The following HELZ variants were observed in gnomAD, a reference collection of about 807,000 sequenced individuals.
The protein encoded by HELZ is helicase with zinc finger.
In HELZ, 23 loss-of-function variants were observed where a neutral mutation model predicts 218.2. That is an observed-to-expected ratio of 0.11 (90% confidence interval 0.08 to 0.15). HELZ has a LOEUF of 0.15. Among genes scored for constraint, HELZ ranks in the 10% least tolerant of loss-of-function variants. HELZ has a pLI of 1.00. For synonymous variants in HELZ, 814 were observed against 829.4 expected, an observed-to-expected ratio of 0.98 and a Z score of 0.32; for missense variants, 1,813 against 2,353.7, an observed-to-expected ratio of 0.77 and a Z score of 4.75.
chr17:67,206,621 G>A (rs1013789333), intron 5 of HELZ, among the ~76,000 whole-genome samples: 91 of 145,316 alleles, frequency 6.3e-4, no homozygotes, highest in Admixed American at 2.1e-3. Context: ...TTTTTAAGAC[G>A]GAGTTTCACT....
rs2144283527 is a variant in HELZ at position 67,188,749 on chromosome 17, G to A, written c.865-133C>T. 3.1e-6 allele frequency: 2 copies of A among 655,174 alleles called. No homozygotes were observed. The highest frequency in any genetic ancestry group is 5.0e-6 in the Non-Finnish European group (2 of 397,326). The allele number at this position is 655,174 out of a possible 1,614,324, so 40.6% of individuals were successfully genotyped here. A position where few individuals can be genotyped will look rare whatever the true frequency, so the allele number is the denominator to read the frequency against. ...CTTCTAAGATACTATAGCCATTTAA[G>A]AAAAAAATCAGAATGGTTTTTTAAA... On this transcript the variant is annotated intron_variant, in intron 11 of 32. Coordinates refer to ENST00000358691, the MANE Select transcript of HELZ (RefSeq NM_014877.4). This position sits in a 1 kb window ranked among gnomAD's most constrained non-coding sequence, Gnocchi z 4.1.
chr17:67,086,631 A>AAT (rs71139116), intron 32 of HELZ, among the ~76,000 whole-genome samples, 198 bp downstream of exon 32: 5,597 of 93,012 alleles, frequency 0.06, 231 homozygotes, highest in Middle Eastern at 0.072. Flanking sequence ...TATAAATATA[A>AAT]ATATATATAT....
chr17:67,223,607 C>T (rs1458134238), intron 3 of HELZ, among the ~76,000 whole-genome samples: 1 of 151,990 alleles, frequency 6.6e-6, no homozygotes, highest in Non-Finnish European at 1.5e-5. Context: ...AAAAAATTAG[C>T]CGGATGTGGT....
At chr17:67,144,756 T>C (rs945173509) in intron 21 of HELZ, among the ~76,000 whole-genome samples, 1 of 152,064 alleles carries the variant, frequency 6.6e-6, no homozygotes, top group Non-Finnish European at 1.5e-5. Flanking sequence ...ACCCATACCA[T>C]GGCTAATTTC....
At chr17:67,215,736 T>C in intron 5 of HELZ, 163 bp downstream of exon 5, 2 of 656,292 alleles carry the variant, frequency 3.0e-6, no homozygotes, top group South Asian at 1.7e-5. Context: ...TGTTCACAGG[T>C]ATGCCCAGCT....
chr17:67,086,745 G>A (rs1598184840), intron 32 of HELZ, 84 bp downstream of exon 32: 3 of 1,415,128 alleles, frequency 2.1e-6, no homozygotes, highest in East Asian at 2.3e-5. Flanking sequence ...TGCAAATTGG[G>A]GGCAGGTGGT....
chr17:67,083,059 G>A (rs1276226652), intron 32 of HELZ, among the ~76,000 whole-genome samples: 1 of 151,814 alleles, frequency 6.6e-6, no homozygotes, highest in Non-Finnish European at 1.5e-5. Context: ...GTTTCACCAT[G>A]TTGGCCAAGC....
rs1368276406 is a variant in HELZ, at chr17:67,074,185, T to C, written c.*4067A>G. ...TAAGGATTTTCATATGTTAAGGGGA[T>C]GGTGAGCAAGAAATAATGTACGGTA... is the stretch of plus-strand genomic sequence containing the variant. On this transcript the variant is annotated 3_prime_UTR_variant, in exon 33 of 33. Coordinates refer to ENST00000358691, the MANE Select transcript of HELZ (RefSeq NM_014877.4). The C allele has an allele frequency of 6.6e-6, 1 of 151,440 alleles. No individual in the cohort carries two copies. The highest frequency in any genetic ancestry group is 1.5e-5 in the Non-Finnish European group (1 of 67,904). The allele number at this position is 151,440 out of a possible 1,614,324, so 9.4% of individuals were successfully genotyped here.
At chr17:67,144,147 A>G (rs2038420576) in intron 21 of HELZ, among the ~76,000 whole-genome samples, 1 of 152,174 alleles carries the variant, frequency 6.6e-6, no homozygotes, top group Non-Finnish European at 1.5e-5. Context: ...CATCAAGAAA[A>G]GCCCAGAGCT....
intron 16 of HELZ, 105 bp downstream of exon 16, chr17:67,160,792 A>T: frequency 1.3e-6 from 1 of 787,302 alleles, no homozygotes; most frequent in Non-Finnish European, 1.9e-6. Flanking sequence ...TTTCATGTTT[A>T]AGAGCTGCAT....
intron 2 of HELZ, among the ~76,000 whole-genome samples, chr17:67,241,315 ATT>A (rs1170521942): frequency 1.3e-5 from 2 of 152,208 alleles, no homozygotes; most frequent in Non-Finnish European, 2.9e-5. Context: ...TCTTCTATAC[ATT>A]TGAAACAACA....
In HELZ at chr17:67,077,928, C is replaced by T. The variant is rs1305170699; in HGVS notation, c.*324G>A. ...TCTTTTTAAATACATTTTAGACAAACTTTTCTTTTTTTTTTTTTTTTTATA... is the reference window on the plus strand; with the variant it reads ...TCTTTTTAAATACATTTTAGACAAATTTTTCTTTTTTTTTTTTTTTTTATA... On this transcript the variant is annotated 3_prime_UTR_variant, in exon 33 of 33. Coordinates refer to ENST00000358691, the MANE Select transcript of HELZ (RefSeq NM_014877.4). 2.6e-5 allele frequency: 4 copies of T among 156,314 alleles called. No individual in the cohort carries two copies. The highest frequency in any genetic ancestry group is 7.6e-5 in the African/African-American group (3 of 39,332). The allele number at this position is 156,314 out of a possible 1,614,324, so 9.7% of individuals were successfully genotyped here. A position where few individuals can be genotyped will look rare whatever the true frequency, so the allele number is the denominator to read the frequency against.
chr17:67,144,537 T>G (rs892994561), intron 21 of HELZ, among the ~76,000 whole-genome samples: 1 of 150,598 alleles, frequency 6.6e-6, no homozygotes, highest in Non-Finnish European at 1.5e-5. Context: ...AACCGGCACC[T>G]TATTTATCCT....
chr17:67,138,004 C>T lies in HELZ; in HGVS notation c.2880G>A (p.Val960=). 1 of 1,613,864 alleles carries T rather than the reference C, an allele frequency of 6.2e-7. No individual in the cohort carries two copies. The highest frequency in any genetic ancestry group is 1.7e-4 in the Middle Eastern group (1 of 6,058). ...IGVVTPYADQ[V]FRIRAELRKK... Reference sequence around the variant, plus strand: ...TTCGAAGTTCAGCACGTATTCTAAACACTTGATCAGCATATGGAGTCACCA... The same window carrying T: ...TTCGAAGTTCAGCACGTATTCTAAATACTTGATCAGCATATGGAGTCACCA... Residue 960 remains valine, a synonymous_variant, in exon 22 of 33, where the codon GTG becomes GTA. Transcript: ENST00000358691.
At chr17:67,103,520 G>C (rs1364563490) in intron 31 of HELZ, among the ~76,000 whole-genome samples, 2 of 152,070 alleles carry the variant, frequency 1.3e-5, no homozygotes, top group African/African-American at 4.8e-5. Flanking sequence ...AAAATGCTTA[G>C]GAATAAATTT....
At position 67,210,319 on chromosome 17, in the gene HELZ, C is replaced by T. The variant is rs535698106; in HGVS notation, c.247+5580G>A. Among the ~76,000 whole-genome samples, 10 of 152,346 alleles carry T rather than the reference C, an allele frequency of 6.6e-5. No individual in the cohort carries two copies. The South Asian group carries it at 2.1e-3, about 32-fold the overall frequency. ...ACAGAAGTTTCAACCAATCGCCTAT[C>T]AATTTGCCTTTTCTAAAAGTCAGCC... On this transcript the variant is annotated intron_variant, in intron 5 of 32. Transcript: ENST00000358691.
intron 17 of HELZ, among the ~76,000 whole-genome samples, chr17:67,158,355 CTCAG>C (rs1451842645): frequency 6.6e-6 from 1 of 152,198 alleles, no homozygotes; most frequent in Non-Finnish European, 1.5e-5. Flanking sequence ...TCCCAGAGCA[CTCAG>C]TCATTCTAAT....
chr17:67,170,974 C>T (rs918364881), intron 13 of HELZ, among the ~76,000 whole-genome samples: 1 of 151,072 alleles, frequency 6.6e-6, no homozygotes, highest in Non-Finnish European at 1.5e-5. Context: ...ACTTATAGTG[C>T]AAGAAATTCT....
At chr17:67,154,273 C>T (rs2038774042) in intron 17 of HELZ, among the ~76,000 whole-genome samples, 1 of 152,016 alleles carries the variant, frequency 6.6e-6, no homozygotes, top group Non-Finnish European at 1.5e-5. Flanking sequence ...ACTAAAAATA[C>T]AAAAATTAGC....
Sources: gnomAD v4.1 joint callset for allele counts (sites outside exome capture counted in the v4.1 genomes callset) on GRCh38, gnomAD v4.1.1 for gene constraint, Gnocchi (gnomAD v3.1) non-coding constraint, MANE v1.5 for transcripts, NCBI Gene and HGNC (gene_info 2026-07-23, HGNC 2026-07-21) for gene names.